HSPG2: variants seen among roughly 807,000 people sequenced by gnomAD.
HSPG2 encodes the protein basement membrane-specific heparan sulfate proteoglycan core protein.
A neutral mutation model predicts 526.6 loss-of-function variants in HSPG2; 278 were observed. The observed-to-expected ratio is 0.53, with a 90% CI of 0.48 to 0.58. The LOEUF is 0.58. Ranked by LOEUF, HSPG2 falls within the 20% of genes least tolerant of loss-of-function variation. The probability of loss-of-function intolerance (pLI) is 0.00; values close to 1 mark genes in which losing one functional copy is unlikely to be tolerated. For synonymous variants in HSPG2, 2,465 were observed against 2,555.4 expected (o/e 0.96, Z 1.07); for missense variants, 5,354 against 6,099.5 (o/e 0.88, Z 4.07).
In HSPG2 at chr1:21,850,368, A is replaced by T; in HGVS notation, c.7289T>A (p.Val2430Glu). ...CCTCCCTGAGAGCTACTCACCAGGC[A>T]CTGAGCCCGCAGGCTCAATGGTGAC... is the stretch of plus-strand genomic sequence containing the variant. ...VLVTIEPAGSVPALGVTPTVR... is the reference protein window; with the variant it reads ...VLVTIEPAGSEPALGVTPTVR... The change falls in exon 56 of 97, where the codon GTG becomes GAG. Residue 2430 changes from valine to glutamate, a missense_variant. By Grantham distance (121) the Val-to-Glu change is moderately radical (BLOSUM62 -2). Coordinates refer to ENST00000374695, the MANE Select transcript of HSPG2 (RefSeq NM_005529.7). The T allele has an allele frequency of 6.3e-7, 1 of 1,589,730 alleles. No homozygotes were observed. The highest frequency in any genetic ancestry group is 8.6e-7 in the Non-Finnish European group (1 of 1,167,780).
intron 1 of HSPG2, among the ~76,000 whole-genome samples, chr1:21,910,353 G>T (rs1643597015): frequency 6.6e-6 from 1 of 152,220 alleles, no homozygotes; most frequent in Non-Finnish European, 1.5e-5. Context: ...CTGAGGCCCT[G>T]TAAGATTCAG....
Position 21,885,214 on chromosome 1 carries a change from G to A in HSPG2, c.1211-57C>T, listed in dbSNP as rs1181864103. On this transcript the variant is annotated intron_variant, in intron 10 of 96. Transcript: ENST00000374695. Reference sequence around the variant, plus strand: ...GGGGCAAAGGAAGGAGGAGCGGAAGGAGGGCTCCGAGGGGCTAGGAGGGAG... The same window carrying A: ...GGGGCAAAGGAAGGAGGAGCGGAAGAAGGGCTCCGAGGGGCTAGGAGGGAG... The A allele has an allele frequency of 1.9e-6, 3 of 1,597,940 alleles. No individual in the cohort carries two copies. The Admixed American group carries it at 5.0e-5, about 27-fold the overall frequency.
At chr1:21,888,706 G>A (rs202082510) in intron 6 of HSPG2, 35 of 1,362,942 alleles carry the variant, frequency 2.6e-5, no homozygotes, top group Non-Finnish European at 3.0e-5. Flanking sequence ...CGGCGGGGGT[G>A]GGGGGGTCTG....
chr1:21,826,641 C>CT (rs934083742), intron 91 of HSPG2, among the ~76,000 whole-genome samples: 28 of 152,072 alleles, frequency 1.8e-4, no homozygotes, highest in African/African-American at 6.8e-4. Flanking sequence ...TCCGGAGTAG[C>CT]TGGGATTATA....
rs1174987677 is a variant in HSPG2, at chr1:21,876,632, C to A, written c.2706G>T (p.Leu902Phe). 1 of 1,614,114 alleles carries A rather than the reference C, an allele frequency of 6.2e-7. No individual in the cohort carries two copies. Among genetic ancestry groups the A allele is most frequent in the African/African-American group, 1.3e-5 (1 of 74,948 alleles). The stretch of plus-strand genomic sequence containing the variant: ...AAGAGCCGTCAGCACATTCATTGCA[C>A]AAGCGCCCCACCACATTGTTCTGCA... ...CRCKNNVVGR[L>F]CNECADGSFH... The change falls in exon 22 of 97, where the codon TTG (leucine) becomes TTT (phenylalanine). Residue 902 changes from leucine (L) to phenylalanine (F), a missense_variant. Coordinates refer to ENST00000374695, the MANE Select transcript of HSPG2 (RefSeq NM_005529.7).
intron 37 of HSPG2, among the ~76,000 whole-genome samples, chr1:21,862,931 G>A (rs938694689): frequency 1.3e-5 from 2 of 151,670 alleles, no homozygotes; most frequent in African/African-American, 4.9e-5. Context: ...ATGGTGGCAG[G>A]TGCCTGTAAT....
intron 1 of HSPG2, among the ~76,000 whole-genome samples, chr1:21,934,567 G>C (rs1266924206): frequency 1.3e-5 from 2 of 150,730 alleles, no homozygotes; most frequent in African/African-American, 2.4e-5. Context: ...CCAGGAGTTT[G>C]AGACCAGCCT....
At chr1:21,849,546 G>A (rs999558303) in intron 57 of HSPG2, among the ~76,000 whole-genome samples, 3 of 152,204 alleles carry the variant, frequency 2.0e-5, no homozygotes, top group Non-Finnish European at 4.4e-5. Context: ...ACAAATGGAA[G>A]CTTTTTCTTA....
intron 14 of HSPG2, 39 bp downstream of exon 14, chr1:21,881,300 A>G (rs748489179): frequency 4.1e-5 from 66 of 1,596,296 alleles, no homozygotes; most frequent in Non-Finnish European, 5.2e-5. Context: ...GCCCACAGGA[A>G]TTCTTTCCCC....
At chr1:21,826,483 C>T (rs192048014) in intron 91 of HSPG2, among the ~76,000 whole-genome samples, 1 of 151,990 alleles carries the variant, frequency 6.6e-6, no homozygotes, top group African/African-American at 2.4e-5. Flanking sequence ...GGATTATAGG[C>T]GTGAGTCACC....
intron 1 of HSPG2, among the ~76,000 whole-genome samples, chr1:21,921,686 C>T (rs776131959): frequency 6.6e-6 from 1 of 152,190 alleles, no homozygotes; most frequent in Non-Finnish European, 1.5e-5. Context: ...CAGGCAGAAG[C>T]CCGGGCTGCG....
At chr1:21,849,077 C>T (rs763847394) in intron 57 of HSPG2, 46 bp from the exon 58 acceptor site, 53 of 1,601,250 alleles carry the variant, frequency 3.3e-5, no homozygotes, top group Non-Finnish European at 4.2e-5. Flanking sequence ...CTGGGCACTG[C>T]GGCTCACGCC....
chr1:21,884,847 G>C lies in HSPG2; in HGVS notation c.1427C>G (p.Ala476Gly). 1 of 1,613,888 alleles carries C rather than the reference G, an allele frequency of 6.2e-7. No individual in the cohort carries two copies. Residue 476 changes from alanine (A) to glycine (G), a missense_variant, in exon 12 of 97, where the codon GCC becomes GGC. Ala to Gly is a moderately conservative substitution (Grantham distance 60, BLOSUM62 0). Transcript: ENST00000374695. ...IRDVKESDQG[A>G]YTCEAMNARG... ...GGCGTTCATGGCCTCACAGGTGTAGGCACCCTGGTCTGACTCCTTCACATC... is the reference window on the plus strand; with the variant it reads ...GGCGTTCATGGCCTCACAGGTGTAGCCACCCTGGTCTGACTCCTTCACATC...
At chr1:21,914,010 A>T (rs971103767) in intron 1 of HSPG2, among the ~76,000 whole-genome samples, 1 of 152,206 alleles carries the variant, frequency 6.6e-6, no homozygotes, top group African/African-American at 2.4e-5. Flanking sequence ...GCTGTGAGTC[A>T]TTTAGCCCAG....
At chr1:21,867,931 T>C (rs1323490271) in intron 33 of HSPG2, among the ~76,000 whole-genome samples, 1 of 152,096 alleles carries the variant, frequency 6.6e-6, no homozygotes, top group Non-Finnish European at 1.5e-5. Context: ...GGTTTCCCCA[T>C]GTTGGCCAGG....
intron 1 of HSPG2, among the ~76,000 whole-genome samples, chr1:21,933,035 C>G: frequency 6.6e-6 from 1 of 151,934 alleles, no homozygotes; most frequent in Non-Finnish European, 1.5e-5. Flanking sequence ...CCTGGGGGAA[C>G]ATGGCAAAAC....
At chr1:21,846,011 G>T in intron 64 of HSPG2, 97 bp downstream of exon 64, 4 of 1,429,826 alleles carry the variant, frequency 2.8e-6, no homozygotes, top group Non-Finnish European at 2.9e-6. Context: ...AGTTCTCGCC[G>T]AGTGCCAGAA....
chr1:21,878,796 C>T, intron 18 of HSPG2, 133 bp from the exon 19 acceptor site: 1 of 1,171,478 alleles, frequency 8.5e-7, no homozygotes, highest in African/African-American at 1.5e-5. Flanking sequence ...GCCCGGCAGC[C>T]TCACAGCAAC....
chr1:21,837,019 G>GT lies in HSPG2; in HGVS notation c.10151-14dup. 6.5e-7 allele frequency: 1 copy of GT among 1,544,792 alleles called. No homozygotes were observed. The highest frequency in any genetic ancestry group is 8.7e-7 in the Non-Finnish European group (1 of 1,146,708). On this transcript the variant is annotated splice_polypyrimidine_tract_variant and intron_variant, in intron 74 of 96. Coordinates refer to ENST00000374695, the MANE Select transcript of HSPG2 (RefSeq NM_005529.7). ...GAGCCGGGAGGGCCTGCGGGGACAT[G>GT]TATGAGGTTCTGCAGGTATATGTGT...
Sources: allele counts gnomAD v4.1 joint callset (sites outside exome capture counted in the v4.1 genomes callset), GRCh38; gene constraint gnomAD v4.1.1; transcripts MANE v1.5; gene names NCBI Gene and HGNC (gene_info 2026-07-23, HGNC 2026-07-21).